Variants in BCAR3 observed in about 807,000 individuals in gnomAD.
BCAR3 encodes the protein BCAR3 adaptor protein, NSP family member.
In BCAR3, 37 loss-of-function variants were observed where a neutral mutation model predicts 80.1. That is an observed-to-expected ratio of 0.46 (90% CI 0.36 to 0.61). The LOEUF (loss-of-function observed/expected upper bound fraction) is 0.61, where lower values mean the gene tolerates loss of function less well. Ranked by LOEUF, BCAR3 falls within the 20% of genes least tolerant of loss-of-function variation. The probability of loss-of-function intolerance (pLI) is 0.00; values close to 1 mark genes in which losing one functional copy is unlikely to be tolerated. For missense variants in BCAR3, 978 were observed against 1,068.2 expected, an observed-to-expected ratio of 0.92 and a Z score of 1.18; for synonymous variants, 389 against 418.9, an observed-to-expected ratio of 0.93 and a Z score of 0.87.
chr1:93,764,667 C>T (rs746325334), intron 2 of BCAR3, among the ~76,000 whole-genome samples: 15 of 152,178 alleles, frequency 9.9e-5, no homozygotes, highest in Non-Finnish European at 1.8e-4. Flanking sequence ...CAAGCCTGCC[C>T]CTCCTGCCTC....
In BCAR3 at chr1:93,835,698, T is replaced by C. The variant is rs149811853; in HGVS notation, c.-63+9869A>G. On this transcript the variant is annotated intron_variant, in intron 2 of 13. Transcript: ENST00000370244. ...CTGCTATTTTACTACTCCTCAGGGATTGTTCAGACCCCCTCCCTTCCCTAC... is the reference window on the plus strand; with the variant it reads ...CTGCTATTTTACTACTCCTCAGGGACTGTTCAGACCCCCTCCCTTCCCTAC... Among the ~76,000 whole-genome samples the C allele has an allele frequency of 4.8e-3, 733 of 152,250 alleles. 3 individuals carry two copies. The highest frequency in any genetic ancestry group is 0.01 in the Middle Eastern group (3 of 294).
At chr1:93,618,948 T>C (rs1012234928) in intron 3 of BCAR3, among the ~76,000 whole-genome samples, 33 of 151,180 alleles carry the variant, frequency 2.2e-4, no homozygotes, top group Non-Finnish European at 7.4e-5. Context: ...TGTTTTTTTT[T>C]TTTTAATCTG....
At chr1:93,785,033 G>T (rs771006228) in intron 2 of BCAR3, among the ~76,000 whole-genome samples, 1 of 152,214 alleles carries the variant, frequency 6.6e-6, no homozygotes, top group Non-Finnish European at 1.5e-5. Flanking sequence ...GCCTGGAAGG[G>T]AAGGGCTAGA....
chr1:93,726,947 T>G (rs1414327329), intron 2 of BCAR3, among the ~76,000 whole-genome samples: 1 of 152,258 alleles, frequency 6.6e-6, no homozygotes, highest in Non-Finnish European at 1.5e-5. Context: ...TTTTTCTTTG[T>G]GAAATGCCTG....
chr1:93,758,501 C>CT lies in BCAR3; in HGVS notation c.-62-52360_-62-52359insA, dbSNP rs1651822258. Among the ~76,000 whole-genome samples, 5 of 152,338 alleles carry CT rather than the reference C, an allele frequency of 3.3e-5. No homozygotes were observed. The South Asian group carries it at 1.0e-3, about 32-fold the overall frequency. ...AGACAAAGAGTTGGTCTGGAAAACA[C>CT]CCCTAATCGGGAGCCAGTTCTATGA... On this transcript the variant is annotated intron_variant, in intron 2 of 13. Coordinates refer to the BCAR3 transcript ENST00000370244.
chr1:93,750,327 G>A (rs372312013), intron 2 of BCAR3, among the ~76,000 whole-genome samples: 3 of 152,300 alleles, frequency 2.0e-5, no homozygotes, highest in African/African-American at 7.2e-5. Context: ...CAGCCTTTCC[G>A]AGGCTGTTTC....
At chr1:93,564,239 A>G (rs937030240) in intron 11 of BCAR3, among the ~76,000 whole-genome samples, 15 of 150,378 alleles carry the variant, frequency 1.0e-4, no homozygotes, top group African/African-American at 3.2e-4. Context: ...TGTGTACTCA[A>G]TGTTTTCTGC....
intron 9 of BCAR3, among the ~76,000 whole-genome samples, chr1:93,568,559 C>T (rs924083315): frequency 2.6e-5 from 4 of 152,178 alleles, no homozygotes; most frequent in Admixed American, 2.6e-4. Flanking sequence ...ATTTTAAATA[C>T]TGATCCTAGA....
chr1:93,689,388 G>A (rs1344927962), intron 3 of BCAR3, among the ~76,000 whole-genome samples: 3 of 151,996 alleles, frequency 2.0e-5, no homozygotes, highest in Non-Finnish European at 4.4e-5. Flanking sequence ...AAAATTAGCC[G>A]GGTGTGGTGG....
intron 2 of BCAR3, among the ~76,000 whole-genome samples, chr1:93,663,051 A>G (rs1207895652): frequency 6.6e-6 from 1 of 152,108 alleles, no homozygotes; most frequent in African/African-American, 2.4e-5. Flanking sequence ...GGGTGGCATT[A>G]GAGTCTCTTG....
Position 93,821,254 on chromosome 1 carries a change from TG to T in BCAR3, c.-63+24312del, listed in dbSNP as rs561136603. ...GGGATCCTTCTAACCCAGATTCCAT[TG>T]AAGTTCAGAGATTAGAGGACAGGAA... On this transcript the variant is annotated intron_variant, in intron 2 of 13. Coordinates refer to the BCAR3 transcript ENST00000370244. 1.5e-4 allele frequency among the ~76,000 whole-genome samples: 23 copies of T among 152,158 alleles called. No individual in the cohort carries two copies. The East Asian group carries it at 2.7e-3, about 18-fold the overall frequency.
intron 2 of BCAR3, among the ~76,000 whole-genome samples, chr1:93,721,897 A>G (rs1462622331): frequency 1.3e-5 from 2 of 152,242 alleles, no homozygotes; most frequent in East Asian, 1.9e-4. Context: ...CCTACTGGCT[A>G]TGAGGACTAA....
intron 3 of BCAR3, among the ~76,000 whole-genome samples, chr1:93,624,607 C>T (rs1181254830): frequency 1.3e-5 from 2 of 152,190 alleles, no homozygotes; most frequent in African/African-American, 4.8e-5. Context: ...GTCTTATTGT[C>T]ATCATTGGAA....
intron 3 of BCAR3, among the ~76,000 whole-genome samples, chr1:93,598,287 C>A (rs3767977): frequency 0.29 from 43,884 of 152,012 alleles, 7,305 homozygotes; most frequent in African/African-American, 0.47. Flanking sequence ...CTGTCAGAAA[C>A]CCCCAGAGGA....
At chr1:93,772,519 A>G (rs921749864) in intron 2 of BCAR3, among the ~76,000 whole-genome samples, 1 of 152,092 alleles carries the variant, frequency 6.6e-6, no homozygotes, top group Non-Finnish European at 1.5e-5. Context: ...TTTAAATCTA[A>G]TCTTGTTAGT....
At chr1:93,758,919 G>T (rs934638121) in intron 2 of BCAR3, among the ~76,000 whole-genome samples, 1 of 152,190 alleles carries the variant, frequency 6.6e-6, no homozygotes, top group African/African-American at 2.4e-5. Flanking sequence ...GCCATCAGGG[G>T]GCTGGTTGGC....
At chr1:93,585,740 G>GT (rs1673916440) in intron 5 of BCAR3, among the ~76,000 whole-genome samples, 1 of 152,034 alleles carries the variant, frequency 6.6e-6, no homozygotes, top group Admixed American at 6.6e-5. Context: ...ATTGCCCTGA[G>GT]TTTTTTTGTT....
chr1:93,712,027 C>T (rs1408367760), intron 2 of BCAR3, among the ~76,000 whole-genome samples: 3 of 152,306 alleles, frequency 2.0e-5, no homozygotes, highest in South Asian at 2.1e-4. Flanking sequence ...TCCTAAATTT[C>T]GTTTACTGAC....
At chr1:93,565,177 G>C (rs776966128) in intron 11 of BCAR3, among the ~76,000 whole-genome samples, 1 of 151,546 alleles carries the variant, frequency 6.6e-6, no homozygotes, top group Admixed American at 6.6e-5. Flanking sequence ...AAGGAGAATC[G>C]CTTGATACTC....
Sources: gnomAD v4.1 joint callset for allele counts (sites outside exome capture counted in the v4.1 genomes callset) on GRCh38, gnomAD v4.1.1 for gene constraint, MANE v1.5 for transcripts, NCBI Gene and HGNC (gene_info 2026-07-23, HGNC 2026-07-21) for gene names.